The following CERS5 variants were observed in gnomAD, a reference collection of about 807,000 sequenced individuals.
The protein encoded by CERS5 is ceramide synthase 5, also known as LAG1 homolog, ceramide synthase 5.
CERS5 carries 37 observed loss-of-function variants against 58.9 expected under a neutral mutation model. The ratio of observed to expected loss-of-function variants is 0.63; its 90% CI spans 0.48 to 0.83. The LOEUF (loss-of-function observed/expected upper bound fraction) is 0.83. Among genes scored for constraint, CERS5 ranks in the 40% least tolerant of loss-of-function variants. CERS5 has a pLI of 0.00. For synonymous variants in CERS5, 147 were observed against 177.8 expected (o/e 0.83, Z 1.38); for missense variants, 398 against 489.3 (o/e 0.81, Z 1.76).
intron 1 of CERS5, among the ~76,000 whole-genome samples, chr12:50,150,353 G>A (rs1376259364): frequency 2.6e-5 from 4 of 152,016 alleles, no homozygotes; most frequent in Non-Finnish European, 4.4e-5. Flanking sequence ...AGAGTGAGAC[G>A]CCATCTCCAA....
At chr12:50,139,273 AG>A (rs1951841810) in intron 4 of CERS5, among the ~76,000 whole-genome samples, 1 of 152,040 alleles carries the variant, frequency 6.6e-6, no homozygotes, top group Admixed American at 6.6e-5. Flanking sequence ...TGAGCCCAGG[AG>A]TTCAAGACCA....
At chr12:50,133,303 A>G (rs1951437470) in intron 9 of CERS5, 3 of 1,069,274 alleles carry the variant, frequency 2.8e-6, no homozygotes, top group Non-Finnish European at 3.4e-6. Flanking sequence ...CTTTGACTAC[A>G]GTCTGACTGC....
At position 50,134,570 on chromosome 12, in the gene CERS5, A is replaced by T. The variant is rs1232994644; in HGVS notation, c.1005T>A (p.Ala335=). ...VIWSYLIARI[A]LKALIRGKVS... ...CCTTTCCCCTGATCAAGGCTTTCAA[A>T]GCAATCCGTGCAATTAGGTAGGACC... is the stretch of plus-strand genomic sequence containing the variant. The change falls in exon 9 of 10, where the codon GCT becomes GCA. Residue 335 remains alanine (A), a synonymous_variant. Transcript: ENST00000317551. The T allele has an allele frequency of 9.3e-6, 15 of 1,614,030 alleles. No homozygotes were observed. The highest frequency in any genetic ancestry group is 2.7e-5 in the African/African-American group (2 of 74,908).
rs1451269177 is a variant in CERS5 at position 50,129,634 on chromosome 12, A to T, written c.*911T>A. The T allele has an allele frequency of 6.6e-6, 1 of 151,716 alleles. No individual in the cohort carries two copies. Among genetic ancestry groups the T allele is most frequent in the Non-Finnish European group, 1.5e-5 (1 of 67,986 alleles). 9.4% of individuals were successfully genotyped at this position (151,716 alleles called of 1,614,324 possible). ...GATTCTTCTTTTTCTTAAAAAACAT[A>T]AAGCTCTAAAATGTAAGCACCCTGG... is the stretch of plus-strand genomic sequence containing the variant. On this transcript the variant is annotated 3_prime_UTR_variant, in exon 10 of 10. Transcript: ENST00000317551.
chr12:50,161,514 C>T (rs1284669424), intron 1 of CERS5, among the ~76,000 whole-genome samples: 1 of 152,080 alleles, frequency 6.6e-6, no homozygotes, highest in South Asian at 2.1e-4. Flanking sequence ...CGGTGGCTCA[C>T]GCCTGTAATC....
intron 1 of CERS5, chr12:50,165,441 GA>G (rs58167504): frequency 0.36 from 52,558 of 145,324 alleles, 9,663 homozygotes; most frequent in Middle Eastern, 0.43. Context: ...AAAAGAAAAA[GA>G]AAAAAAAAAA....
At chr12:50,138,716 A>G in intron 4 of CERS5, 99 bp from the exon 5 acceptor site, 1 of 1,025,242 alleles carries the variant, frequency 9.8e-7, no homozygotes, top group Non-Finnish European at 1.5e-6. Flanking sequence ...GGGGCAAAAG[A>G]GGACAGAAAA....
intron 1 of CERS5, among the ~76,000 whole-genome samples, chr12:50,162,685 C>A (rs1939438695): frequency 6.6e-6 from 1 of 151,702 alleles, no homozygotes; most frequent in South Asian, 2.1e-4. Flanking sequence ...CTCACTGCAA[C>A]CTCCACCTCC....
chr12:50,156,423 T>TATATATATATATATATATATATAG (rs1465969838), intron 1 of CERS5, among the ~76,000 whole-genome samples: 1 of 123,864 alleles, frequency 8.1e-6, no homozygotes, highest in Admixed American at 8.4e-5. Flanking sequence ...AAACAAACTA[T>TATATATATATATATATATATATAG]ATATATATAT....
At chr12:50,133,013 A>T (rs1401117432) in intron 9 of CERS5, 3 of 1,289,030 alleles carry the variant, frequency 2.3e-6, no homozygotes, top group South Asian at 2.5e-5. Flanking sequence ...AAAAGGAAGG[A>T]GGTGAGGAAA....
chr12:50,138,247 G>C (rs1951789623), intron 5 of CERS5, among the ~76,000 whole-genome samples: 1 of 152,050 alleles, frequency 6.6e-6, no homozygotes, highest in Non-Finnish European at 1.5e-5. Flanking sequence ...AAAGACACCT[G>C]AACCAGAAAG....
rs12317544 is a variant in CERS5 at position 50,167,031 on chromosome 12, C to T, written c.197+70G>A. ...TCCTTGCAGTTCTGCTTCCGGCCCTCGGCCCTTCCCACAGCGGGGCGCCCC... is the reference window on the plus strand; with the variant it reads ...TCCTTGCAGTTCTGCTTCCGGCCCTTGGCCCTTCCCACAGCGGGGCGCCCC... On this transcript the variant is annotated intron_variant, in intron 1 of 9. Coordinates refer to ENST00000317551, the MANE Select transcript of CERS5 (RefSeq NM_147190.5). 3.2e-4 allele frequency: 397 copies of T among 1,234,812 alleles called. 2 individuals carry two copies. In the African/African-American group the frequency reaches 5.7e-3, roughly 18 times the overall value. The allele number at this position is 1,234,812 out of a possible 1,614,324, so 76.5% of individuals were successfully genotyped here.
intron 4 of CERS5, among the ~76,000 whole-genome samples, 178 bp from the exon 5 acceptor site, chr12:50,138,795 TG>T (rs908278091): frequency 2.6e-5 from 4 of 152,186 alleles, no homozygotes; most frequent in African/African-American, 9.7e-5. Context: ...TACAACAGAA[TG>T]TTATAAATAG....
At chr12:50,139,781 A>T (rs183764243) in intron 4 of CERS5, among the ~76,000 whole-genome samples, 2 of 152,286 alleles carry the variant, frequency 1.3e-5, no homozygotes, top group East Asian at 1.9e-4. Flanking sequence ...AGACAGAGTG[A>T]GACTCTGTCT....
At chr12:50,156,492 A>T (rs888994650) in intron 1 of CERS5, among the ~76,000 whole-genome samples, 5 of 147,072 alleles carry the variant, frequency 3.4e-5, no homozygotes, top group Non-Finnish European at 7.5e-5. Flanking sequence ...AGCTACTGGG[A>T]GGCTGAGGTG....
At chr12:50,155,225 T>C (rs112297574) in intron 1 of CERS5, among the ~76,000 whole-genome samples, 201 of 152,214 alleles carry the variant, frequency 1.3e-3, no homozygotes, top group Non-Finnish European at 2.7e-3. Context: ...GTAACCCACA[T>C]AAACAAAAGC....
chr12:50,142,697 G>GA (rs1952039087), intron 3 of CERS5, among the ~76,000 whole-genome samples: 1 of 152,118 alleles, frequency 6.6e-6, no homozygotes, highest in African/African-American at 2.4e-5. Flanking sequence ...TCAATAAAAT[G>GA]AAAAATAGTA....
intron 1 of CERS5, among the ~76,000 whole-genome samples, chr12:50,150,505 A>AT (rs1491022673): frequency 6.6e-6 from 1 of 152,110 alleles, no homozygotes; most frequent in Non-Finnish European, 1.5e-5. Flanking sequence ...CTTGGGTATG[A>AT]TATATATATA....
intron 1 of CERS5, chr12:50,148,493 A>G (rs997332736): frequency 9.8e-6 from 3 of 305,706 alleles, no homozygotes; most frequent in Non-Finnish European, 2.1e-5. Flanking sequence ...GCTGCTCAGG[A>G]GGCTGAGGTG....
Sources: gnomAD v4.1 joint callset for allele counts (sites outside exome capture counted in the v4.1 genomes callset) on GRCh38, gnomAD v4.1.1 for gene constraint, MANE v1.5 for transcripts, NCBI Gene and HGNC (gene_info 2026-07-23, HGNC 2026-07-21) for gene names.